ZRANB3: variants seen among roughly 807,000 people sequenced by gnomAD.
The protein encoded by ZRANB3 is zinc finger RANBP2-type containing 3, also known as DNA annealing helicase and endonuclease ZRANB3.
A neutral mutation model predicts 133.8 loss-of-function variants in ZRANB3; 125 were observed. That is an observed-to-expected ratio of 0.93 (90% CI 0.81 to 1.08). The LOEUF is 1.08. Ranked by LOEUF, ZRANB3 falls within the 50% of genes least tolerant of loss-of-function variation. ZRANB3 has a pLI of 0.00. For missense variants in ZRANB3, 1,229 were observed against 1,275.5 expected, an observed-to-expected ratio of 0.96 and a Z score of 0.56; for synonymous variants, 387 against 432.7, an observed-to-expected ratio of 0.89 and a Z score of 1.31.
At chr2:135,294,727 G>A (rs1681948856) in intron 8 of ZRANB3, among the ~76,000 whole-genome samples, 1 of 151,640 alleles carries the variant, frequency 6.6e-6, no homozygotes, top group African/African-American at 2.4e-5. Context: ...TTCTCTTGTG[G>A]GCATTTAGTG....
Position 135,363,567 on chromosome 2 carries a change from G to GTATA in ZRANB3, c.181-9943_181-9940dup, listed in dbSNP as rs551237864. ...GTCATTTTTTTCCACTTGCATTGTA[G>GTATA]TATAGGAGCCTCAGCAATTTCTTAA... On this transcript the variant is annotated intron_variant, in intron 3 of 20. Coordinates refer to ENST00000264159, the MANE Select transcript of ZRANB3 (RefSeq NM_032143.4). Among the ~76,000 whole-genome samples, 162 of 152,194 alleles carry GTATA rather than the reference G, an allele frequency of 1.1e-3. 1 individual carries two copies. The highest frequency in any genetic ancestry group is 1.7e-3 in the Non-Finnish European group (113 of 68,012).
chr2:135,355,360 C>CT (rs759038417), intron 3 of ZRANB3: 22,972 of 372,354 alleles, frequency 0.062, 56 homozygotes, highest in Non-Finnish European at 0.066. Flanking sequence ...AATCACAGAT[C>CT]TTTTTTTTTT....
chr2:135,338,670 A>G (rs1002647447), intron 6 of ZRANB3, among the ~76,000 whole-genome samples: 3 of 152,252 alleles, frequency 2.0e-5, no homozygotes, highest in African/African-American at 7.2e-5. Context: ...GAGTTGCATC[A>G]AGATTACACA....
At chr2:135,392,555 G>A (rs780628866) in intron 2 of ZRANB3, among the ~76,000 whole-genome samples, 1 of 152,176 alleles carries the variant, frequency 6.6e-6, no homozygotes, top group Non-Finnish European at 1.5e-5. Context: ...TACGAGACCA[G>A]CCTGGCCAAC....
intron 12 of ZRANB3, among the ~76,000 whole-genome samples, chr2:135,243,217 G>A (rs1370071388): frequency 6.6e-6 from 1 of 152,190 alleles, no homozygotes; most frequent in Non-Finnish European, 1.5e-5. Context: ...GAGCTGATCA[G>A]AGAAAGGTGC....
At chr2:135,496,629 A>G (rs1298999121) in intron 2 of ZRANB3, among the ~76,000 whole-genome samples, 2 of 152,202 alleles carry the variant, frequency 1.3e-5, no homozygotes, top group African/African-American at 4.8e-5. Flanking sequence ...AGACACTACC[A>G]ACATAAGCAG....
chr2:135,291,975 T>G (rs1681766450), intron 8 of ZRANB3, among the ~76,000 whole-genome samples: 1 of 152,248 alleles, frequency 6.6e-6, no homozygotes, highest in Non-Finnish European at 1.5e-5. Context: ...TGTGCCACAT[T>G]TTCTTAATCC....
At chr2:135,200,552 T>C in intron 20 of ZRANB3, 112 bp from the exon 21 acceptor site, 2 of 841,978 alleles carry the variant, frequency 2.4e-6, no homozygotes. Flanking sequence ...CTACACCCAT[T>C]TTCCAGTGGT....
intron 6 of ZRANB3, among the ~76,000 whole-genome samples, chr2:135,325,639 C>T (rs1285282660): frequency 1.3e-5 from 2 of 152,130 alleles, no homozygotes; most frequent in Admixed American, 6.6e-5. Context: ...TCATGATTCA[C>T]CCACCTCAGC....
intron 6 of ZRANB3, among the ~76,000 whole-genome samples, chr2:135,337,695 GA>G (rs1338911921): frequency 2.6e-5 from 4 of 152,062 alleles, no homozygotes; most frequent in Non-Finnish European, 5.9e-5. Flanking sequence ...CCAGTTACCA[GA>G]AAAACAACTA....
chr2:135,503,109 G>T (rs762337375), intron 2 of ZRANB3, among the ~76,000 whole-genome samples: 24 of 152,130 alleles, frequency 1.6e-4, no homozygotes, highest in Non-Finnish European at 3.1e-4. Context: ...AGGATGATGG[G>T]TTTGGGTTAT....
intron 3 of ZRANB3, among the ~76,000 whole-genome samples, chr2:135,380,657 T>C (rs1015642073): frequency 6.6e-6 from 1 of 152,154 alleles, no homozygotes; most frequent in Non-Finnish European, 1.5e-5. Flanking sequence ...GGGACACATT[T>C]AAAGCAGTGT....
chr2:135,310,584 A>C (rs985909072), intron 8 of ZRANB3, among the ~76,000 whole-genome samples: 12 of 152,216 alleles, frequency 7.9e-5, no homozygotes, highest in Non-Finnish European at 1.8e-4. Context: ...ATATGTTCTC[A>C]GAAATGCATT....
At chr2:135,307,332 C>T (rs1682755502) in intron 8 of ZRANB3, among the ~76,000 whole-genome samples, 1 of 152,220 alleles carries the variant, frequency 6.6e-6, no homozygotes, top group African/African-American at 2.4e-5. Context: ...TCCTGAAGCA[C>T]TAGGATTACA....
At chr2:135,442,646 C>T (rs1367547244) in intron 2 of ZRANB3, among the ~76,000 whole-genome samples, 1 of 152,100 alleles carries the variant, frequency 6.6e-6, no homozygotes, top group Non-Finnish European at 1.5e-5. Flanking sequence ...GGTGATTCCT[C>T]AAGGATCTAG....
intron 6 of ZRANB3, among the ~76,000 whole-genome samples, chr2:135,319,417 C>T (rs1229389249): frequency 6.6e-6 from 1 of 152,060 alleles, no homozygotes; most frequent in African/African-American, 2.4e-5. Context: ...AGTCTTTACT[C>T]AAGCATGGAT....
intron 11 of ZRANB3, among the ~76,000 whole-genome samples, chr2:135,265,976 A>G (rs1680224414): frequency 6.6e-6 from 1 of 151,804 alleles, no homozygotes; most frequent in Non-Finnish European, 1.5e-5. Context: ...TTGGGAGGCC[A>G]AGGGGGGCGA....
At chr2:135,458,174 G>C (rs2105013327) in intron 2 of ZRANB3, among the ~76,000 whole-genome samples, 1 of 152,242 alleles carries the variant, frequency 6.6e-6, no homozygotes, top group South Asian at 2.1e-4. Flanking sequence ...CAATGAGTAA[G>C]CATACTTGTT....
At chr2:135,284,003 A>T (rs1392111949) in intron 8 of ZRANB3, among the ~76,000 whole-genome samples, 1 of 152,176 alleles carries the variant, frequency 6.6e-6, no homozygotes, top group Non-Finnish European at 1.5e-5. Flanking sequence ...TCACTAATAG[A>T]AAAACAGGTA....
Sources: allele counts gnomAD v4.1 joint callset (sites outside exome capture counted in the v4.1 genomes callset), GRCh38; gene constraint gnomAD v4.1.1; transcripts MANE v1.5; gene names NCBI Gene and HGNC (gene_info 2026-07-23, HGNC 2026-07-21).